Variants in NBAS observed in about 807,000 individuals in gnomAD.
NBAS encodes the protein NAG/BC035112 fusion.
NBAS carries 219 observed loss-of-function variants against 302.5 expected under a neutral mutation model. The ratio of observed to expected loss-of-function variants is 0.72; its 90% CI spans 0.65 to 0.81. The LOEUF is 0.81. Among genes scored for constraint, NBAS ranks in the 30% least tolerant of loss-of-function variants. The pLI, the probability that NBAS is intolerant of heterozygous loss-of-function variation, is 0.00. For synonymous variants in NBAS, 1,118 were observed against 1,021.6 expected (o/e 1.09, Z -1.80); for missense variants, 2,932 against 2,841.6 (o/e 1.03, Z -0.72).
In NBAS at chr2:15,353,574, A is replaced by C; in HGVS notation, c.4068T>G (p.Ala1356=). Residue 1356 remains alanine (A), a synonymous_variant, in exon 34 of 52, where the codon GCT becomes GCG. Coordinates refer to ENST00000281513, the MANE Select transcript of NBAS (RefSeq NM_015909.4). ...TTACTTCTGTCTGCAGAGAGCTGCT[A>C]GCTGCCAAAAGAAGTTCAATGCTGC... The part of the protein sequence containing the change: ...PPSSIELLLA[A]SSSLQTEILY... 2 of 1,614,042 alleles carry C rather than the reference A, an allele frequency of 1.2e-6. No homozygotes were observed. The highest frequency in any genetic ancestry group is 1.7e-6 in the Non-Finnish European group (2 of 1,179,940).
At position 15,473,441 on chromosome 2, in the gene NBAS, C is replaced by A. The variant is rs1300527096; in HGVS notation, c.1600-94G>T. 8 of 1,492,644 alleles carry A rather than the reference C, an allele frequency of 5.4e-6. No individual in the cohort carries two copies. The African/African-American group carries it at 1.1e-4, about 21-fold the overall frequency. 92.5% of individuals were successfully genotyped at this position (1,492,644 alleles called of 1,614,324 possible). ...CAATGAATGATGATAATCCCTTGGA[C>A]TTATCCAGCATGTCACTAATTCCTG... is the stretch of plus-strand genomic sequence containing the variant. On this transcript the variant is annotated intron_variant, in intron 15 of 51. Transcript: ENST00000281513.
Position 15,561,249 on chromosome 2 carries a change from T to C in NBAS, c.56A>G (p.Glu19Gly). ...ALSPGTAEGEEETILYDLLVN... is the reference protein window; with the variant it reads ...ALSPGTAEGEGETILYDLLVN... ...CAACAAGTCATAGAGAATCGTCTCC[T>C]CCTCACCCTCTGCAGTGCCTGGACT... Residue 19 changes from glutamate (E) to glycine (G), a missense_variant, in exon 1 of 52, where the codon GAG becomes GGG. Glu to Gly is a moderately conservative substitution (Grantham distance 98). Transcript: ENST00000281513. 6.2e-7 allele frequency: 1 copy of C among 1,613,958 alleles called. No homozygotes were observed. Among genetic ancestry groups the C allele is most frequent in the Non-Finnish European group, 8.5e-7 (1 of 1,180,032 alleles).
intron 41 of NBAS, among the ~76,000 whole-genome samples, chr2:15,291,300 T>C (rs2148108732): frequency 6.6e-6 from 1 of 152,350 alleles, no homozygotes; most frequent in South Asian, 2.1e-4. Context: ...ACCATTTTTC[T>C]TAACTATAAA....
the NBAS span, among the ~76,000 whole-genome samples, chr2:14,792,109 G>A: frequency 1.3e-5 from 2 of 152,068 alleles, no homozygotes; most frequent in African/African-American, 4.8e-5. Flanking sequence ...CAGGAACCAG[G>A]TGAGCCTCAG....
the NBAS span, among the ~76,000 whole-genome samples, chr2:15,000,016 C>A: frequency 6.6e-6 from 1 of 152,100 alleles, no homozygotes; most frequent in Admixed American, 6.5e-5. Context: ...GAAGTTATTG[C>A]CAATAAGGCC....
At chr2:15,509,873 G>A (rs1047503527) in intron 10 of NBAS, among the ~76,000 whole-genome samples, 5 of 151,524 alleles carry the variant, frequency 3.3e-5, no homozygotes, top group African/African-American at 7.3e-5. Flanking sequence ...TTTTTGAGAC[G>A]GAGTCTGGCT....
chr2:14,787,389 G>A, the NBAS span, among the ~76,000 whole-genome samples: 5 of 152,080 alleles, frequency 3.3e-5, no homozygotes, highest in Admixed American at 6.6e-5. Context: ...TATTTTGCTC[G>A]TTAGTTGATG....
the NBAS span, among the ~76,000 whole-genome samples, chr2:14,783,592 T>C: frequency 1.4e-3 from 219 of 151,092 alleles, 5 homozygotes; most frequent in Non-Finnish European, 6.9e-4. Flanking sequence ...GTCCTTGCAA[T>C]AGTTTACTGA....
rs1003351556 is a variant in NBAS, at chr2:15,389,106, G to A, written c.3257+5121C>T. ...CTTCCACTGCCAAATGGCATCCTTA[G>A]TTATGCTGGAAGTGTAAGGGAGTTA... On this transcript the variant is annotated intron_variant, in intron 28 of 51. Coordinates refer to ENST00000281513, the MANE Select transcript of NBAS (RefSeq NM_015909.4). 3.9e-5 allele frequency among the ~76,000 whole-genome samples: 6 copies of A among 152,116 alleles called. No individual in the cohort carries two copies. The East Asian group carries it at 9.6e-4, about 24-fold the overall frequency.
At chr2:15,326,823 G>A (rs191699198) in intron 38 of NBAS, among the ~76,000 whole-genome samples, 337 of 152,176 alleles carry the variant, frequency 2.2e-3, no homozygotes, top group Non-Finnish European at 3.2e-3. Context: ...CAAGGGACCC[G>A]CACAGTGGAT....
chr2:15,528,282 C>G (rs1663021156), intron 9 of NBAS, among the ~76,000 whole-genome samples: 1 of 151,686 alleles, frequency 6.6e-6, no homozygotes, highest in Middle Eastern at 3.2e-3. Context: ...TATCTGGACC[C>G]CCACATCACT....
At chr2:14,967,953 A>G in the NBAS span, among the ~76,000 whole-genome samples, 5 of 152,172 alleles carry the variant, frequency 3.3e-5, no homozygotes, top group African/African-American at 9.7e-5. Flanking sequence ...GGCACTGGCA[A>G]GAGTTAAAAC....
chr2:15,467,037 A>G lies in NBAS; in HGVS notation c.2097+292T>C, dbSNP rs559998432. On this transcript the variant is annotated intron_variant, in intron 19 of 51. Coordinates refer to ENST00000281513, the MANE Select transcript of NBAS (RefSeq NM_015909.4). ...GTATGGAAAAAAGTTATGTGCCATT[A>G]TCTTAAAATCAAAATATAAAAGTAA... Among the ~76,000 whole-genome samples the G allele has an allele frequency of 5.3e-5, 8 of 152,288 alleles. No individual in the cohort carries two copies. In the South Asian group the frequency reaches 1.4e-3, roughly 28 times the overall value.
chr2:15,369,146 T>G (rs1674365119), intron 31 of NBAS, among the ~76,000 whole-genome samples: 1 of 152,230 alleles, frequency 6.6e-6, no homozygotes, highest in Admixed American at 6.5e-5. Flanking sequence ...CAAAATTTGT[T>G]GCAGATATTA....
the NBAS span, among the ~76,000 whole-genome samples, chr2:15,023,352 T>C: frequency 4.0e-4 from 61 of 152,250 alleles, no homozygotes; most frequent in East Asian, 1.2e-3. Context: ...TTCTTTGCTT[T>C]CCCACTATGA....
chr2:14,925,273 C>T, the NBAS span, among the ~76,000 whole-genome samples: 11 of 152,090 alleles, frequency 7.2e-5, no homozygotes, highest in Non-Finnish European at 1.5e-4. Flanking sequence ...TCATCTCATG[C>T]GCAATTTCCC....
At chr2:14,888,488 C>G in the NBAS span, among the ~76,000 whole-genome samples, 294 of 152,088 alleles carry the variant, frequency 1.9e-3, no homozygotes, top group Non-Finnish European at 3.5e-3. Flanking sequence ...AAATCAGACC[C>G]ATCAAATCTC....
chr2:15,403,518 C>G (rs4668904), intron 25 of NBAS, among the ~76,000 whole-genome samples: 79,241 of 151,956 alleles, frequency 0.52, 23,627 homozygotes, highest in Non-Finnish European at 0.68. Flanking sequence ...ATTTACATAA[C>G]ATTTACATTG....
At chr2:15,227,751 A>C (rs994528782) in intron 47 of NBAS, among the ~76,000 whole-genome samples, 1 of 152,226 alleles carries the variant, frequency 6.6e-6, no homozygotes, top group African/African-American at 2.4e-5. Context: ...AGTCTCTTCA[A>C]TAAATGGTGC....
Sources: allele counts gnomAD v4.1 joint callset (sites outside exome capture counted in the v4.1 genomes callset), GRCh38; gene constraint gnomAD v4.1.1; transcripts MANE v1.5; gene names NCBI Gene and HGNC (gene_info 2026-07-23, HGNC 2026-07-21).